BMF: variants seen among roughly 807,000 people sequenced by gnomAD.
The protein encoded by BMF is Bcl2 modifying factor.
Under a neutral mutation model 22.0 loss-of-function variants are expected in BMF, and 10 were observed. The observed-to-expected ratio is 0.45, with a 90% CI of 0.28 to 0.77. BMF has a LOEUF of 0.77. Ranked by LOEUF, BMF falls within the 30% of genes least tolerant of loss-of-function variation. The pLI, the probability that BMF is intolerant of heterozygous loss-of-function variation, is 0.13. For missense variants in BMF, 206 were observed against 226.8 expected, an observed-to-expected ratio of 0.91 and a Z score of 0.59; for synonymous variants, 87 against 88.1, an observed-to-expected ratio of 0.99 and a Z score of 0.07.
chr15:40,093,092 G>GA (rs1382620206), intron 4 of BMF, among the ~76,000 whole-genome samples: 1 of 152,228 alleles, frequency 6.6e-6, no homozygotes. Flanking sequence ...GGCACAGCTG[G>GA]AAAGGGGGCC....
In BMF at chr15:40,088,984, G is replaced by A. The variant is rs1197972626; in HGVS notation, c.*2803C>T. 2 of 152,692 alleles carry A rather than the reference G, an allele frequency of 1.3e-5. No homozygotes were observed. Among genetic ancestry groups the A allele is most frequent in the Non-Finnish European group, 1.5e-5 (1 of 68,062 alleles). The allele number at this position is 152,692 out of a possible 1,614,324, so 9.5% of individuals were successfully genotyped here. ...GAATTAGAAGGGCTGTTTTGACCCT[G>A]AATATCAGGCTTCCCTTCCTCCCAG... On this transcript the variant is annotated 3_prime_UTR_variant, in exon 5 of 5. Transcript: ENST00000354670.
intron 4 of BMF, among the ~76,000 whole-genome samples, chr15:40,096,153 CTTTTTTTT>C (rs532459310): frequency 8.7e-6 from 1 of 115,144 alleles, no homozygotes; most frequent in African/African-American, 3.5e-5. Context: ...AAAAGGCCTC[CTTTTTTTT>C]TTTTTTTTTT....
intron 4 of BMF, among the ~76,000 whole-genome samples, chr15:40,095,359 GAGGA>G (rs1430976921): frequency 2.0e-5 from 3 of 152,254 alleles, no homozygotes; most frequent in African/African-American, 4.8e-5. Context: ...AAACAGTGAG[GAGGA>G]AGGAAGTTGG....
At chr15:40,100,372 C>T (rs1446811421) in intron 4 of BMF, among the ~76,000 whole-genome samples, 1 of 152,226 alleles carries the variant, frequency 6.6e-6, no homozygotes, top group Non-Finnish European at 1.5e-5. Flanking sequence ...CACCACAGCA[C>T]CACCCTCAAG....
intron 3 of BMF, among the ~76,000 whole-genome samples, chr15:40,105,476 A>T (rs1181160511): frequency 6.6e-6 from 1 of 152,170 alleles, no homozygotes; most frequent in Non-Finnish European, 1.5e-5. Flanking sequence ...AGACTTCTCC[A>T]GGGCAACAGG....
At chr15:40,099,870 C>A (rs1042449556) in intron 4 of BMF, among the ~76,000 whole-genome samples, 4 of 148,376 alleles carry the variant, frequency 2.7e-5, no homozygotes, top group African/African-American at 9.9e-5. Context: ...GGGATTTTAA[C>A]AGATCTGCCT....
At chr15:40,101,538 G>A (rs2036475373) in intron 4 of BMF, among the ~76,000 whole-genome samples, 1 of 152,142 alleles carries the variant, frequency 6.6e-6, no homozygotes, top group African/African-American at 2.4e-5. Context: ...CAAAAATGAG[G>A]GAAGGGAATA....
intron 4 of BMF, among the ~76,000 whole-genome samples, chr15:40,097,940 C>A (rs1180131847): frequency 6.6e-6 from 1 of 152,246 alleles, no homozygotes; most frequent in Non-Finnish European, 1.5e-5. Flanking sequence ...GGATTCTAGG[C>A]TGCCAGGGTA....
At chr15:40,092,373 G>A (rs2140993847) in intron 4 of BMF, among the ~76,000 whole-genome samples, 1 of 152,194 alleles carries the variant, frequency 6.6e-6, no homozygotes, top group East Asian at 1.9e-4. Context: ...AAGGTCAAAG[G>A]GTTAATCTTC....
chr15:40,105,675 A>C, intron 3 of BMF, 120 bp downstream of exon 3: 1 of 1,255,566 alleles, frequency 8.0e-7, no homozygotes, highest in Non-Finnish European at 1.1e-6. Flanking sequence ...AAGTCAAGGA[A>C]TCAACAGCCC....
intron 4 of BMF, among the ~76,000 whole-genome samples, chr15:40,097,966 A>AACC (rs1011577368): frequency 1.3e-5 from 2 of 152,338 alleles, no homozygotes; most frequent in Admixed American, 1.3e-4. Context: ...AGGATTCTGA[A>AACC]ACCCAGAGGG....
intron 4 of BMF, among the ~76,000 whole-genome samples, chr15:40,102,125 C>T (rs562664198): frequency 1.3e-5 from 2 of 152,078 alleles, no homozygotes; most frequent in African/African-American, 2.4e-5. Context: ...AGAAGTGATG[C>T]CAACCAGCAA....
At position 40,106,227 on chromosome 15, in the gene BMF, C is replaced by T; in HGVS notation, c.-5-136G>A. The T allele has an allele frequency of 1.0e-6, 1 of 988,112 alleles. No homozygotes were observed. Among genetic ancestry groups the T allele is most frequent in the Non-Finnish European group, 1.4e-6 (1 of 694,906 alleles). 61.2% of individuals were successfully genotyped at this position (988,112 alleles called of 1,614,324 possible). A position where few individuals can be genotyped will look rare whatever the true frequency, so the allele number is the denominator to read the frequency against. On this transcript the variant is annotated intron_variant, in intron 2 of 4. Transcript: ENST00000354670. This position sits in a 1 kb window ranked among gnomAD's most constrained non-coding sequence, Gnocchi z 4.1. Reference sequence around the variant, plus strand: ...GGACCACATACTGATGACATACAACCCTGGTAATAAAGCACTGCTAAGGGT... The same window carrying T: ...GGACCACATACTGATGACATACAACTCTGGTAATAAAGCACTGCTAAGGGT...
intron 4 of BMF, 115 bp downstream of exon 4, chr15:40,104,065 G>A: frequency 7.1e-7 from 1 of 1,403,262 alleles, no homozygotes; most frequent in African/African-American, 1.4e-5. Context: ...CAAAACTCTG[G>A]GACAATATCC....
Position 40,106,556 on chromosome 15 carries a change from A to ACACACACACACACT in BMF, c.-5-466_-5-465insAGTGTGTGTGTGTG, listed in dbSNP as rs2036593941. The ACACACACACACACT allele has an allele frequency of 6.5e-6, 1 of 153,200 alleles. No individual in the cohort carries two copies. Among genetic ancestry groups the ACACACACACACACT allele is most frequent in the South Asian group, 2.0e-4 (1 of 5,122 alleles). The allele number at this position is 153,200 out of a possible 1,614,324, so 9.5% of individuals were successfully genotyped here. ...CACACACACACACACACACACATAC[A>ACACACACACACACT]GAGTCATTGTCCCAAGGAAATTCTT... On this transcript the variant is annotated intron_variant, in intron 2 of 4. Coordinates refer to ENST00000354670, the MANE Select transcript of BMF (RefSeq NM_001003940.2). The surrounding 1 kb of genome is among the most constrained non-coding windows in gnomAD (Gnocchi z 4.1).
chr15:40,095,427 G>A (rs768937206), intron 4 of BMF, among the ~76,000 whole-genome samples: 5 of 152,156 alleles, frequency 3.3e-5, no homozygotes, highest in Admixed American at 6.5e-5. Flanking sequence ...AGAGAACGTG[G>A]GATCTTCCAC....
In BMF at chr15:40,091,897, AG is replaced by A; in HGVS notation, c.454-10del. 2 of 1,556,734 alleles carry A rather than the reference AG, an allele frequency of 1.3e-6. No individual in the cohort carries two copies. Among genetic ancestry groups the A allele is most frequent in the Admixed American group, 1.8e-5 (1 of 54,230 alleles). ...TTTTGGTTCTGCTGGTGCTGAAGGG[AG>A]AAAAAAAAAAAAGACCAACATAACT... On this transcript the variant is annotated splice_polypyrimidine_tract_variant and intron_variant, in intron 4 of 4. Transcript: ENST00000354670.
chr15:40,103,393 G>A (rs1369546226), intron 4 of BMF, among the ~76,000 whole-genome samples: 6 of 152,232 alleles, frequency 3.9e-5, no homozygotes, highest in Admixed American at 3.9e-4. Context: ...GAAGGGTTAA[G>A]TGCCTGGGGA....
Position 40,090,913 on chromosome 15 carries a change from G to C in BMF, c.*874C>G, listed in dbSNP as rs915455486. 2 of 152,260 alleles carry C rather than the reference G, an allele frequency of 1.3e-5. No individual in the cohort carries two copies. The highest frequency in any genetic ancestry group is 4.8e-5 in the African/African-American group (2 of 41,470). The allele number at this position is 152,260 out of a possible 1,614,324, so 9.4% of individuals were successfully genotyped here. ...TGGGGGTGGAATGCGGTCTGTCGGT[G>C]GGGTCTTTTGAAAGAAGAGCTGACA... On this transcript the variant is annotated 3_prime_UTR_variant, in exon 5 of 5. Coordinates refer to ENST00000354670, the MANE Select transcript of BMF (RefSeq NM_001003940.2).
Sources: allele counts gnomAD v4.1 joint callset (sites outside exome capture counted in the v4.1 genomes callset), GRCh38; gene constraint gnomAD v4.1.1; non-coding constraint Gnocchi (gnomAD v3.1); transcripts MANE v1.5; gene names NCBI Gene and HGNC (gene_info 2026-07-23, HGNC 2026-07-21).